The following NHLRC2 variants were observed in gnomAD, a reference collection of about 807,000 sequenced individuals.
The protein encoded by NHLRC2 is NHL repeat containing 2, also known as NHL repeat-containing protein 2.
NHLRC2 carries 33 observed loss-of-function variants against 68.1 expected under a neutral mutation model. The observed-to-expected ratio is 0.48, with a 90% confidence interval of 0.37 to 0.65. The LOEUF is 0.65. NHLRC2 is among the 30% of genes least tolerant of loss of function. The pLI is 0.00. For synonymous variants in NHLRC2, 311 were observed against 309.6 expected (o/e 1.00, Z -0.05); for missense variants, 761 against 853.8 (o/e 0.89, Z 1.35).
intron 5 of NHLRC2, among the ~76,000 whole-genome samples, chr10:113,885,078 A>G (rs925000222): frequency 6.6e-6 from 1 of 151,860 alleles, no homozygotes; most frequent in Admixed American, 6.6e-5. Flanking sequence ...TCGAAAATGT[A>G]ATTTTGGACT....
At chr10:113,858,786 G>A in intron 2 of NHLRC2, 106 bp downstream of exon 2, 2 of 711,206 alleles carry the variant, frequency 2.8e-6, no homozygotes, top group Non-Finnish European at 2.3e-6. Flanking sequence ...AAGGCTTCAG[G>A]GATTCTAAAA....
At chr10:113,864,795 T>C (rs988722647) in intron 2 of NHLRC2, among the ~76,000 whole-genome samples, 6 of 151,986 alleles carry the variant, frequency 3.9e-5, no homozygotes, top group African/African-American at 1.4e-4. Context: ...CTGGGAGGGT[T>C]ACACTCAGTG....
chr10:113,883,972 A>G (rs1846058479), intron 4 of NHLRC2, among the ~76,000 whole-genome samples: 2 of 151,814 alleles, frequency 1.3e-5, no homozygotes, highest in South Asian at 4.1e-4. Context: ...ATTTTTGTTT[A>G]GTTAAGATGA....
intron 5 of NHLRC2, among the ~76,000 whole-genome samples, chr10:113,894,177 G>A (rs1846157191): frequency 6.6e-6 from 1 of 152,138 alleles, no homozygotes; most frequent in Non-Finnish European, 1.5e-5. Context: ...GACCTGAGAA[G>A]CTAAAAGGAT....
intron 5 of NHLRC2, among the ~76,000 whole-genome samples, chr10:113,895,349 G>C (rs1846167216): frequency 6.6e-6 from 1 of 152,314 alleles, no homozygotes; most frequent in African/African-American, 2.4e-5. Context: ...AAAGCTGCTG[G>C]CCTCTTAGAC....
At chr10:113,873,321 AATGG>A (rs1419729279) in intron 2 of NHLRC2, among the ~76,000 whole-genome samples, 1 of 152,118 alleles carries the variant, frequency 6.6e-6, no homozygotes, top group East Asian at 1.9e-4. Flanking sequence ...GGAAACTGCT[AATGG>A]ATGGATGGAG....
intron 5 of NHLRC2, among the ~76,000 whole-genome samples, chr10:113,893,849 A>G (rs1846154012): frequency 6.6e-6 from 1 of 152,218 alleles, no homozygotes; most frequent in Admixed American, 6.5e-5. Flanking sequence ...CTCTAAAAGC[A>G]AGCTAAGAAA....
chr10:113,910,655 T>G lies in NHLRC2; in HGVS notation c.*2119T>G, dbSNP rs1846318889. 1 of 152,248 alleles carries G rather than the reference T, an allele frequency of 6.6e-6. No individual in the cohort carries two copies. Among genetic ancestry groups the G allele is most frequent in the African/African-American group, 2.4e-5 (1 of 41,466 alleles). The allele number at this position is 152,248 out of a possible 1,614,324, so 9.4% of individuals were successfully genotyped here. The stretch of plus-strand genomic sequence containing the variant: ...TATATACAATTTTAATTTACTAATT[T>G]AGAAATATCTGAGTTTATTTTTCAA... On this transcript the variant is annotated 3_prime_UTR_variant, in exon 11 of 11. Coordinates refer to ENST00000369301, the MANE Select transcript of NHLRC2 (RefSeq NM_198514.4).
intron 5 of NHLRC2, among the ~76,000 whole-genome samples, chr10:113,896,337 T>C (rs1846177524): frequency 6.6e-6 from 1 of 151,658 alleles, no homozygotes; most frequent in African/African-American, 2.4e-5. Context: ...TATGCAGCCA[T>C]AAAAAAGGAT....
Position 113,915,964 on chromosome 10 carries a change from T to G in NHLRC2, c.*7428T>G, listed in dbSNP as rs1846381200. ...TTCTTTATCTAATGTGTGCTAAGCT[T>G]GTGAAAAATATATGTTGAGGTAAAT... On this transcript the variant is annotated 3_prime_UTR_variant, in exon 11 of 11. Coordinates refer to ENST00000369301, the MANE Select transcript of NHLRC2 (RefSeq NM_198514.4). 6.6e-6 allele frequency: 1 copy of G among 152,210 alleles called. No homozygotes were observed. The highest frequency in any genetic ancestry group is 2.1e-4 in the South Asian group (1 of 4,830). 9.4% of individuals were successfully genotyped at this position (152,210 alleles called of 1,614,324 possible). A position where few individuals can be genotyped will look rare whatever the true frequency, so the allele number is the denominator to read the frequency against.
chr10:113,906,715 C>T (rs761530022), intron 10 of NHLRC2, among the ~76,000 whole-genome samples: 12 of 152,250 alleles, frequency 7.9e-5, no homozygotes, highest in Non-Finnish European at 1.8e-4. Context: ...ATTGGCCAGG[C>T]GTGGTGGCTC....
At position 113,895,119 on chromosome 10, in the gene NHLRC2, G is replaced by A. The variant is rs542320843; in HGVS notation, c.1040-2991G>A. On this transcript the variant is annotated intron_variant, in intron 5 of 10. Coordinates refer to ENST00000369301, the MANE Select transcript of NHLRC2 (RefSeq NM_198514.4). ...TCCCATTCAGCATCATTGTTTGAGAGGATAATAGTACAGGTTCACATCTAT... is the reference window on the plus strand; with the variant it reads ...TCCCATTCAGCATCATTGTTTGAGAAGATAATAGTACAGGTTCACATCTAT... 2.4e-4 allele frequency among the ~76,000 whole-genome samples: 36 copies of A among 152,260 alleles called. No individual in the cohort carries two copies. In the South Asian group the frequency reaches 7.1e-3, roughly 30 times the overall value.
At chr10:113,865,190 A>C (rs923391639) in intron 2 of NHLRC2, among the ~76,000 whole-genome samples, 1 of 150,490 alleles carries the variant, frequency 6.6e-6, no homozygotes, top group Non-Finnish European at 1.5e-5. Context: ...ACCTCGTGAT[A>C]CGCCTGCCTC....
intron 6 of NHLRC2, among the ~76,000 whole-genome samples, chr10:113,899,715 C>G (rs1042569499): frequency 6.6e-6 from 1 of 151,946 alleles, no homozygotes; most frequent in Non-Finnish European, 1.5e-5. Flanking sequence ...GTCAGTAGTT[C>G]GAGACCAGAA....
intron 2 of NHLRC2, among the ~76,000 whole-genome samples, chr10:113,865,508 G>A (rs923319711): frequency 2.2e-4 from 33 of 151,292 alleles, no homozygotes; most frequent in Admixed American, 6.6e-4. Flanking sequence ...TGGAAAAAAG[G>A]AAAAGCACGA....
In NHLRC2 at chr10:113,911,217, C is replaced by G. The variant is rs879810786; in HGVS notation, c.*2681C>G. 1.3e-5 allele frequency: 2 copies of G among 152,000 alleles called. No homozygotes were observed. Among genetic ancestry groups the G allele is most frequent in the African/African-American group, 4.8e-5 (2 of 41,406 alleles). The allele number at this position is 152,000 out of a possible 1,614,324, so 9.4% of individuals were successfully genotyped here. The stretch of plus-strand genomic sequence containing the variant: ...GCCCTAAATTATTCTGCTGGTTTGT[C>G]GCTATTTTTTTCCTCTCCTCTTTAT... On this transcript the variant is annotated 3_prime_UTR_variant, in exon 11 of 11. Transcript: ENST00000369301.
chr10:113,877,379 T>C (rs1845994136), intron 3 of NHLRC2, among the ~76,000 whole-genome samples: 1 of 152,128 alleles, frequency 6.6e-6, no homozygotes. Context: ...TTAAAGATCA[T>C]GTCAGTGCCC....
chr10:113,904,452 C>T lies in NHLRC2; in HGVS notation c.1705-365C>T, dbSNP rs547796988. 3.9e-5 allele frequency among the ~76,000 whole-genome samples: 6 copies of T among 152,174 alleles called. No homozygotes were observed. In the South Asian group the frequency reaches 6.2e-4, roughly 16 times the overall value. ...AAATGTCATTTCTCTTCACGTAGATCTCTGATATAAGATGAATAACATCTT... is the reference window on the plus strand; with the variant it reads ...AAATGTCATTTCTCTTCACGTAGATTTCTGATATAAGATGAATAACATCTT... On this transcript the variant is annotated intron_variant, in intron 9 of 10. Transcript: ENST00000369301.
chr10:113,888,460 A>G (rs1425898577), intron 5 of NHLRC2, among the ~76,000 whole-genome samples: 2 of 152,218 alleles, frequency 1.3e-5, no homozygotes, highest in Non-Finnish European at 2.9e-5. Context: ...AAAATTTGAA[A>G]AAGATGTAGG....
Sources: gnomAD v4.1 joint callset for allele counts (sites outside exome capture counted in the v4.1 genomes callset) on GRCh38, gnomAD v4.1.1 for gene constraint, MANE v1.5 for transcripts, NCBI Gene and HGNC (gene_info 2026-07-23, HGNC 2026-07-21) for gene names.